SLC16A7: variants seen among roughly 807,000 people sequenced by gnomAD.
The protein encoded by SLC16A7 is solute carrier family 16 member 7.
In SLC16A7, 33 loss-of-function variants were observed where a neutral mutation model predicts 34.9. That is an observed-to-expected ratio of 0.94 (90% CI 0.72 to 1.26). The LOEUF is 1.26. Ranked by LOEUF, SLC16A7 falls within the 50% of genes most tolerant of loss-of-function variation. SLC16A7 has a pLI of 0.00. For missense variants in SLC16A7, 573 were observed against 578.1 expected (o/e 0.99, Z 0.09); for synonymous variants, 201 against 206.6 (o/e 0.97, Z 0.23).
intron 1 of SLC16A7, among the ~76,000 whole-genome samples, chr12:59,602,948 C>A (rs1008555100): frequency 6.6e-6 from 1 of 152,174 alleles, no homozygotes; most frequent in Non-Finnish European, 1.5e-5. Context: ...AGGACAGCTT[C>A]TCTTTACTGT....
At chr12:59,767,211 T>A (rs1881751149) in intron 3 of SLC16A7, among the ~76,000 whole-genome samples, 1 of 151,348 alleles carries the variant, frequency 6.6e-6, no homozygotes, top group Non-Finnish European at 1.5e-5. Context: ...TTCATGAGGT[T>A]TAAGGAAAGA....
intron 3 of SLC16A7, among the ~76,000 whole-genome samples, chr12:59,711,052 A>T (rs113028864): frequency 2.0e-5 from 3 of 152,330 alleles, no homozygotes; most frequent in African/African-American, 7.2e-5. Context: ...CACTAGGAAG[A>T]CTGCCACTAT....
At chr12:59,672,794 A>G (rs1022421539) in intron 2 of SLC16A7, among the ~76,000 whole-genome samples, 4 of 152,132 alleles carry the variant, frequency 2.6e-5, no homozygotes, top group East Asian at 1.9e-4. Context: ...TGTATTACCT[A>G]TTGCAGTTAG....
intron 1 of SLC16A7, among the ~76,000 whole-genome samples, chr12:59,638,585 A>G (rs956783586): frequency 2.0e-5 from 3 of 152,146 alleles, no homozygotes; most frequent in Non-Finnish European, 4.4e-5. Flanking sequence ...TTTTCAAAAT[A>G]CTTTCTCCAG....
chr12:59,730,111 A>T (rs1229087769), intron 3 of SLC16A7, among the ~76,000 whole-genome samples: 1 of 152,080 alleles, frequency 6.6e-6, no homozygotes, highest in African/African-American at 2.4e-5. Context: ...TTCAGGATCT[A>T]CCAGGAATTA....
intron 3 of SLC16A7, among the ~76,000 whole-genome samples, chr12:59,765,340 GATCTC>G (rs1881484136): frequency 6.6e-6 from 1 of 152,172 alleles, no homozygotes; most frequent in Admixed American, 6.5e-5. Context: ...AGTTTAATTA[GATCTC>G]ATTTGTCAAT....
At chr12:59,627,641 T>C (rs1008218253) in intron 1 of SLC16A7, among the ~76,000 whole-genome samples, 7 of 151,978 alleles carry the variant, frequency 4.6e-5, no homozygotes, top group Admixed American at 1.3e-4. Flanking sequence ...TTCTTTTTTA[T>C]ACATTTGACT....
At chr12:59,651,157 C>G (rs1868336200) in intron 1 of SLC16A7, among the ~76,000 whole-genome samples, 1 of 152,148 alleles carries the variant, frequency 6.6e-6, no homozygotes, top group Admixed American at 6.6e-5. Context: ...CAATACACCA[C>G]TAAACAAATT....
chr12:59,632,281 G>A (rs2136995227), intron 1 of SLC16A7, among the ~76,000 whole-genome samples: 1 of 152,060 alleles, frequency 6.6e-6, no homozygotes, highest in Admixed American at 6.6e-5. Flanking sequence ...TATGATTTTA[G>A]ATTTGTTACT....
chr12:59,598,362 C>T (rs1025071970), intron 1 of SLC16A7, among the ~76,000 whole-genome samples: 2 of 152,150 alleles, frequency 1.3e-5, no homozygotes, highest in Non-Finnish European at 1.5e-5. Context: ...ATTTGAGCCC[C>T]TATAATCAGT....
intron 3 of SLC16A7, among the ~76,000 whole-genome samples, chr12:59,756,489 A>G (rs1880364187): frequency 6.6e-6 from 1 of 152,148 alleles, no homozygotes; most frequent in Non-Finnish European, 1.5e-5. Flanking sequence ...TTATGCAGCC[A>G]AAAAACACAT....
At position 59,604,959 on chromosome 12, in the gene SLC16A7, G is replaced by A. The variant is rs1394312267; in HGVS notation, c.-130+8723G>A. ...CGTCCTAGGTTCATGCCATTCTCTC[G>A]CCTCAGCCTCCCAAGTAGCTGGGAC... On this transcript the variant is annotated intron_variant, in intron 1 of 5. Transcript: ENST00000547379. Among the ~76,000 whole-genome samples, 9 of 152,162 alleles carry A rather than the reference G, an allele frequency of 5.9e-5. 1 individual carries two copies. Among genetic ancestry groups the A allele is most frequent in the Middle Eastern group, 6.8e-3 (2 of 294 alleles).
chr12:59,713,015 T>G (rs1874428223), intron 3 of SLC16A7, among the ~76,000 whole-genome samples: 2 of 152,008 alleles, frequency 1.3e-5, no homozygotes, highest in Admixed American at 6.6e-5. Flanking sequence ...TCTTTTCTTT[T>G]TTTTTCTTTT....
chr12:59,649,747 A>C (rs955395231), intron 1 of SLC16A7, among the ~76,000 whole-genome samples: 1 of 152,110 alleles, frequency 6.6e-6, no homozygotes, highest in East Asian at 1.9e-4. Flanking sequence ...TGAGGAGTTC[A>C]AGACCAGCCT....
chr12:59,603,260 T>C (rs1260136011), intron 1 of SLC16A7, among the ~76,000 whole-genome samples: 1 of 152,168 alleles, frequency 6.6e-6, no homozygotes, highest in Non-Finnish European at 1.5e-5. Flanking sequence ...TATCAGATAC[T>C]CTCATGGAAG....
chr12:59,678,371 C>G (rs987499399), intron 2 of SLC16A7, among the ~76,000 whole-genome samples: 1 of 152,134 alleles, frequency 6.6e-6, no homozygotes, highest in African/African-American at 2.4e-5. Context: ...AGTGATAGAA[C>G]AGCTCAGAGG....
chr12:59,778,559 A>G (rs1882982026), intron 5 of SLC16A7, among the ~76,000 whole-genome samples: 1 of 152,152 alleles, frequency 6.6e-6, no homozygotes, highest in Non-Finnish European at 1.5e-5. Flanking sequence ...TGCCTGCATA[A>G]GCAAGAGACA....
intron 2 of SLC16A7, among the ~76,000 whole-genome samples, chr12:59,692,569 A>G (rs913996715): frequency 2.0e-5 from 3 of 152,028 alleles, no homozygotes; most frequent in African/African-American, 7.2e-5. Context: ...ATTAGAAATC[A>G]GGGGAATTGT....
chr12:59,651,958 A>C (rs1302235421), intron 1 of SLC16A7, among the ~76,000 whole-genome samples: 1 of 152,118 alleles, frequency 6.6e-6, no homozygotes, highest in Non-Finnish European at 1.5e-5. Context: ...TTGAGGTATT[A>C]ATAAATATTT....
Sources: gnomAD v4.1 joint callset for allele counts (sites outside exome capture counted in the v4.1 genomes callset) on GRCh38, gnomAD v4.1.1 for gene constraint, MANE v1.5 for transcripts, NCBI Gene and HGNC (gene_info 2026-07-23, HGNC 2026-07-21) for gene names.